The following TRERF1 variants were observed in gnomAD, a reference collection of about 807,000 sequenced individuals.
The protein encoded by TRERF1 is transcriptional regulating factor 1.
In TRERF1, 27 loss-of-function variants were observed where a neutral mutation model predicts 122.9. The ratio of observed to expected loss-of-function variants is 0.22; its 90% CI spans 0.16 to 0.30. The LOEUF (loss-of-function observed/expected upper bound fraction) is 0.30. Ranked by LOEUF, TRERF1 falls within the 10% of genes least tolerant of loss-of-function variation. The pLI is 1.00. For synonymous variants in TRERF1, 636 were observed against 641.7 expected, an observed-to-expected ratio of 0.99 and a Z score of 0.13; for missense variants, 1,248 against 1,560.3, an observed-to-expected ratio of 0.80 and a Z score of 3.37.
chr6:42,232,714 G>A lies in TRERF1; in HGVS notation c.3245C>T (p.Pro1082Leu), dbSNP rs149037822. ...CTCCTTGCAGGGGAAGATGGTGGTG[G>A]GGTCTGTCTCGCCGCTGGTGGTGCT... Residue 1082 changes from proline (P) to leucine (L), a missense_variant, in exon 17 of 18, where the codon CCC (proline) becomes CTC (leucine). Pro to Leu is a moderately conservative substitution (Grantham distance 98). This residue lies in a region of TRERF1 where 159 missense variants were observed against 221.7 expected (regional missense o/e 0.72). Transcript: ENST00000372922. This position sits in a 1 kb window ranked among gnomAD's most constrained non-coding sequence, Gnocchi z 4.5. 2.5e-6 allele frequency: 4 copies of A among 1,605,786 alleles called. No homozygotes were observed. In the Admixed American group the frequency reaches 6.7e-5, roughly 27 times the overall value.
intron 3 of TRERF1, among the ~76,000 whole-genome samples, chr6:42,355,767 A>G (rs965903454): frequency 6.6e-6 from 1 of 152,234 alleles, no homozygotes; most frequent in Non-Finnish European, 1.5e-5. Flanking sequence ...CTGATCTCAA[A>G]TGGAACAGCT....
chr6:42,264,837 G>A (rs752251257), exon 7 of TRERF1: 7 of 1,614,142 alleles, frequency 4.3e-6, no homozygotes, highest in Non-Finnish European at 5.9e-6. Context: ...CTCCCCAAAC[G>A]CTCCTTTGGG....
intron 4 of TRERF1, among the ~76,000 whole-genome samples, chr6:42,297,227 C>T (rs1785263559): frequency 1.3e-5 from 2 of 152,128 alleles, no homozygotes; most frequent in Non-Finnish European, 2.9e-5. Context: ...TATGGCAGAC[C>T]GGATACCTTA....
chr6:42,278,657 C>T (rs759646896), intron 4 of TRERF1, among the ~76,000 whole-genome samples: 11 of 152,134 alleles, frequency 7.2e-5, no homozygotes, highest in Admixed American at 3.3e-4. Context: ...CACCTGGTGG[C>T]GGTGAGGTTG....
intron 2 of TRERF1, among the ~76,000 whole-genome samples, chr6:42,390,284 C>T (rs1777505272): frequency 6.6e-6 from 1 of 152,166 alleles, no homozygotes; most frequent in South Asian, 2.1e-4. Flanking sequence ...AATTTGCATA[C>T]CTTTTGCCAA....
intron 13 of TRERF1, among the ~76,000 whole-genome samples, chr6:42,247,207 G>A (rs574171997): frequency 1.3e-5 from 2 of 152,332 alleles, no homozygotes; most frequent in Admixed American, 1.3e-4. Context: ...CAGATCATAA[G>A]GAGATGGAAG....
intron 2 of TRERF1, among the ~76,000 whole-genome samples, chr6:42,401,865 T>C (rs991361639): frequency 2.0e-5 from 3 of 152,236 alleles, no homozygotes; most frequent in Admixed American, 2.0e-4. Flanking sequence ...ATTCATTTCT[T>C]GAAAAGAAAA....
chr6:42,317,764 A>ATT (rs199701614), intron 3 of TRERF1, among the ~76,000 whole-genome samples: 2 of 147,862 alleles, frequency 1.4e-5, no homozygotes, highest in Admixed American at 1.3e-4. Context: ...GTTGAGAATT[A>ATT]TTTTTTTTTT....
At chr6:42,236,710 C>G (rs112689407) in intron 15 of TRERF1, among the ~76,000 whole-genome samples, 9 of 152,160 alleles carry the variant, frequency 5.9e-5, no homozygotes, top group African/African-American at 2.2e-4. Context: ...CAAGGATTCC[C>G]CACCTTGTTC....
chr6:42,272,658 G>A (rs2149945574), intron 4 of TRERF1, among the ~76,000 whole-genome samples: 1 of 152,316 alleles, frequency 6.6e-6, no homozygotes, highest in South Asian at 2.1e-4. Context: ...CCAGAACTCA[G>A]AAGACAGTGA....
intron 3 of TRERF1, among the ~76,000 whole-genome samples, chr6:42,312,177 A>C (rs560423501): frequency 2.6e-5 from 4 of 152,254 alleles, no homozygotes; most frequent in South Asian, 2.1e-4. Context: ...ACAGGAGGAA[A>C]AAAGGGCATC....
chr6:42,340,310 A>G (rs753780155), intron 3 of TRERF1, among the ~76,000 whole-genome samples: 2 of 152,162 alleles, frequency 1.3e-5, no homozygotes, highest in Non-Finnish European at 2.9e-5. Context: ...AGTACCCCCA[A>G]GACTACCTTG....
chr6:42,419,264 C>A (rs1349010308), intron 2 of TRERF1, among the ~76,000 whole-genome samples: 4 of 138,172 alleles, frequency 2.9e-5, no homozygotes, highest in Non-Finnish European at 4.7e-5. Flanking sequence ...CCCCACCCCC[C>A]GCCCCGGCTT....
At chr6:42,313,618 A>G (rs1305823880) in intron 3 of TRERF1, among the ~76,000 whole-genome samples, 1 of 152,080 alleles carries the variant, frequency 6.6e-6, no homozygotes, top group Non-Finnish European at 1.5e-5. Context: ...CCCCAGAACA[A>G]GGAATTCCCT....
chr6:42,347,468 C>G (rs951565721), intron 3 of TRERF1, among the ~76,000 whole-genome samples: 3 of 152,078 alleles, frequency 2.0e-5, no homozygotes, highest in African/African-American at 7.2e-5. Flanking sequence ...GAGAATCATT[C>G]AATTATTCAA....
rs571872551 is a variant in TRERF1 at position 42,228,741 on chromosome 6, C to T, written c.3279-72G>A. 25 of 1,459,742 alleles carry T rather than the reference C, an allele frequency of 1.7e-5. No individual in the cohort carries two copies. Among genetic ancestry groups the T allele is most frequent in the East Asian group, 6.8e-5 (3 of 43,972 alleles). 90.4% of individuals were successfully genotyped at this position (1,459,742 alleles called of 1,614,324 possible). A position where few individuals can be genotyped will look rare whatever the true frequency, so the allele number is the denominator to read the frequency against. ...AGTTCTTGGAAATCCAGGTGTCCTA[C>T]GGGGAATGGGGGTGTGTGGTCTGAC... On this transcript the variant is annotated intron_variant, in intron 17 of 17. Transcript: ENST00000372922. The surrounding 1 kb of genome is among the most constrained non-coding windows in gnomAD (Gnocchi z 4.2).
intron 3 of TRERF1, among the ~76,000 whole-genome samples, chr6:42,329,553 C>T (rs1463789151): frequency 1.3e-5 from 2 of 152,200 alleles, no homozygotes; most frequent in African/African-American, 2.4e-5. Flanking sequence ...CTGAGGATCA[C>T]AACCTGGAAC....
Position 42,324,632 on chromosome 6 carries a change from G to A in TRERF1, c.-370-23883C>T, listed in dbSNP as rs550882566. ...CAACCAACTGATCTTCAACAAAGTC[G>A]ACAAAAATAACAATGGGGAAAGAAC... is the stretch of plus-strand genomic sequence containing the variant. On this transcript the variant is annotated intron_variant, in intron 3 of 17. Transcript: ENST00000372922. Among the ~76,000 whole-genome samples, 127 of 152,192 alleles carry A rather than the reference G, an allele frequency of 8.3e-4. 1 individual carries two copies. The highest frequency in any genetic ancestry group is 2.9e-3 in the African/African-American group (122 of 41,528).
chr6:42,381,182 C>T (rs1253071388), intron 2 of TRERF1, among the ~76,000 whole-genome samples: 1 of 152,082 alleles, frequency 6.6e-6, no homozygotes, highest in Non-Finnish European at 1.5e-5. Context: ...GTCTCCCTAA[C>T]AGATTGGGAG....
Sources: allele counts gnomAD v4.1 joint callset (sites outside exome capture counted in the v4.1 genomes callset), GRCh38; gene constraint gnomAD v4.1.1; regional missense constraint gnomAD v4.1.1; non-coding constraint Gnocchi (gnomAD v3.1); transcripts MANE v1.5; gene names NCBI Gene and HGNC (gene_info 2026-07-23, HGNC 2026-07-21).